Variants in CDKAL1 observed in about 807,000 individuals in gnomAD.
CDKAL1 encodes threonylcarbamoyladenosine tRNA methylthiotransferase.
In CDKAL1, 32 loss-of-function variants were observed where a neutral mutation model predicts 68.2. The ratio of observed to expected loss-of-function variants is 0.47; its 90% CI spans 0.35 to 0.63. The LOEUF (loss-of-function observed/expected upper bound fraction) is 0.63, where lower values mean the gene tolerates loss of function less well. Ranked by LOEUF, CDKAL1 falls within the 30% of genes least tolerant of loss-of-function variation. The probability of loss-of-function intolerance (pLI) is 0.00; values close to 1 mark genes in which losing one functional copy is unlikely to be tolerated. For synonymous variants in CDKAL1, 234 were observed against 244.3 expected (o/e 0.96, Z 0.39); for missense variants, 606 against 696.7 (o/e 0.87, Z 1.47).
intron 9 of CDKAL1, among the ~76,000 whole-genome samples, chr6:20,866,796 T>C (rs1387614860): frequency 6.6e-6 from 1 of 152,218 alleles, no homozygotes; most frequent in East Asian, 1.9e-4. Flanking sequence ...TGCTAGGAAA[T>C]GCTACATAAA....
At chr6:20,940,184 T>C (rs1763903891) in intron 9 of CDKAL1, among the ~76,000 whole-genome samples, 2 of 152,208 alleles carry the variant, frequency 1.3e-5, no homozygotes, top group Admixed American at 1.3e-4. Flanking sequence ...TATAATGTTT[T>C]GAATTTTAAT....
chr6:21,212,362 A>C (rs977047021), intron 15 of CDKAL1, among the ~76,000 whole-genome samples: 11 of 152,198 alleles, frequency 7.2e-5, no homozygotes, highest in African/African-American at 2.7e-4. Context: ...AAGCCACTCA[A>C]CCTACTCTTT....
intron 6 of CDKAL1, among the ~76,000 whole-genome samples, chr6:20,755,793 T>C (rs1422815685): frequency 1.3e-5 from 2 of 152,236 alleles, no homozygotes; most frequent in African/African-American, 4.8e-5. Context: ...ATTCATGGTC[T>C]CATATTTCAA....
At chr6:20,813,800 A>G (rs1027533677) in intron 8 of CDKAL1, among the ~76,000 whole-genome samples, 8 of 152,140 alleles carry the variant, frequency 5.3e-5, no homozygotes, top group African/African-American at 1.9e-4. Flanking sequence ...TGTTCTGTAT[A>G]TCTCCCTTTA....
intron 12 of CDKAL1, among the ~76,000 whole-genome samples, chr6:21,081,037 T>C (rs924013493): frequency 2.0e-5 from 3 of 152,198 alleles, no homozygotes; most frequent in African/African-American, 7.2e-5. Context: ...TGAAGAGCCT[T>C]GACTTCACTG....
chr6:20,984,743 A>G (rs1308595000), intron 10 of CDKAL1, among the ~76,000 whole-genome samples: 1 of 148,914 alleles, frequency 6.7e-6, no homozygotes, highest in Non-Finnish European at 1.5e-5. Context: ...GTCCAACTAC[A>G]ATCTCCAGTG....
chr6:21,112,402 C>G (rs1029806463), intron 13 of CDKAL1, among the ~76,000 whole-genome samples: 1 of 152,214 alleles, frequency 6.6e-6, no homozygotes, highest in Non-Finnish European at 1.5e-5. Context: ...CACAGTTAAT[C>G]TGCATGAATT....
chr6:20,877,714 G>A (rs1022295255), intron 9 of CDKAL1, among the ~76,000 whole-genome samples: 1 of 152,164 alleles, frequency 6.6e-6, no homozygotes, highest in Non-Finnish European at 1.5e-5. Context: ...TTTTAAACTT[G>A]TGCATTAGGG....
intron 7 of CDKAL1, among the ~76,000 whole-genome samples, chr6:20,758,948 A>G (rs916389288): frequency 2.6e-5 from 4 of 152,094 alleles, no homozygotes; most frequent in African/African-American, 9.7e-5. Context: ...CAGGAGTTCA[A>G]GACCAGCCTG....
intron 13 of CDKAL1, among the ~76,000 whole-genome samples, chr6:21,112,326 A>G (rs777012991): frequency 1.3e-5 from 2 of 152,230 alleles, no homozygotes; most frequent in Admixed American, 6.5e-5. Context: ...AGTTATTCTA[A>G]AAAATTGAAA....
At chr6:20,854,766 T>C (rs1317116480) in intron 9 of CDKAL1, among the ~76,000 whole-genome samples, 3 of 152,246 alleles carry the variant, frequency 2.0e-5, no homozygotes, top group African/African-American at 7.2e-5. Context: ...TCACTGCTAT[T>C]GGTGAGTTTT....
chr6:20,804,245 T>C (rs1776477179), intron 8 of CDKAL1, among the ~76,000 whole-genome samples: 1 of 152,176 alleles, frequency 6.6e-6, no homozygotes, highest in South Asian at 2.1e-4. Context: ...GGTGTACGGA[T>C]ACAATGATGA....
chr6:20,833,051 T>A (rs139229074), intron 8 of CDKAL1, among the ~76,000 whole-genome samples: 5 of 152,348 alleles, frequency 3.3e-5, no homozygotes, highest in African/African-American at 7.2e-5. Context: ...GGCACATTCC[T>A]GAATGAATCC....
intron 5 of CDKAL1, among the ~76,000 whole-genome samples, chr6:20,658,339 G>A (rs146909293): frequency 6.6e-6 from 1 of 152,320 alleles, no homozygotes; most frequent in East Asian, 1.9e-4. Context: ...GCCTTTGCCT[G>A]TAGAAATAAA....
chr6:20,583,772 G>A (rs1313086217), intron 4 of CDKAL1, among the ~76,000 whole-genome samples: 1 of 140,206 alleles, frequency 7.1e-6, no homozygotes, highest in Non-Finnish European at 1.6e-5. Context: ...AGACACTTTT[G>A]TTAGTAAAAG....
chr6:20,661,181 A>G (rs1769268254), intron 5 of CDKAL1, among the ~76,000 whole-genome samples: 2 of 152,242 alleles, frequency 1.3e-5, no homozygotes, highest in South Asian at 4.1e-4. Context: ...GATGAAGGCC[A>G]AATTTCTCTA....
chr6:21,207,152 A>T (rs1387518489), intron 15 of CDKAL1, among the ~76,000 whole-genome samples: 2 of 151,872 alleles, frequency 1.3e-5, no homozygotes, highest in Non-Finnish European at 2.9e-5. Context: ...GCCTCAAGTG[A>T]TCCACCTGCC....
At chr6:21,171,811 T>G (rs1287770327) in intron 13 of CDKAL1, among the ~76,000 whole-genome samples, 2 of 152,186 alleles carry the variant, frequency 1.3e-5, no homozygotes, top group Non-Finnish European at 2.9e-5. Context: ...AGAAAAGCTG[T>G]CCACACTCCC....
chr6:20,848,266 T>C (rs1033399012), intron 9 of CDKAL1, among the ~76,000 whole-genome samples: 2 of 108,638 alleles, frequency 1.8e-5, no homozygotes, highest in Non-Finnish European at 4.1e-5. Flanking sequence ...CTTTTGTTAC[T>C]TGCTGGAAAG....
Sources: allele counts gnomAD v4.1 joint callset (sites outside exome capture counted in the v4.1 genomes callset), GRCh38; gene constraint gnomAD v4.1.1; transcripts MANE v1.5; gene names NCBI Gene and HGNC (gene_info 2026-07-23, HGNC 2026-07-21).